The following DSCAM variants were observed in gnomAD, a reference collection of about 807,000 sequenced individuals.
DSCAM encodes the protein DS cell adhesion molecule.
A neutral mutation model predicts 217.7 loss-of-function variants in DSCAM; 47 were observed. The ratio of observed to expected loss-of-function variants is 0.22; its 90% CI spans 0.17 to 0.28. DSCAM has a LOEUF of 0.28. Among genes scored for constraint, DSCAM ranks in the 10% least tolerant of loss-of-function variants. The pLI is 1.00. For synonymous variants in DSCAM, 1,056 were observed against 1,015.3 expected (o/e 1.04, Z -0.76); for missense variants, 2,080 against 2,618.3 (o/e 0.79, Z 4.49).
intron 28 of DSCAM, 96 bp downstream of exon 28, chr21:40,062,773 T>C: frequency 8.5e-7 from 1 of 1,174,462 alleles, no homozygotes. Flanking sequence ...CATTATCAAT[T>C]TCAGACTGCC....
At chr21:40,231,521 T>TA (rs1211350566) in intron 11 of DSCAM, among the ~76,000 whole-genome samples, 1 of 152,024 alleles carries the variant, frequency 6.6e-6, no homozygotes. Context: ...CTTTTTTTTT[T>TA]AGACAGTGTC....
At chr21:40,022,669 C>T (rs2088295354) in intron 32 of DSCAM, among the ~76,000 whole-genome samples, 1 of 152,138 alleles carries the variant, frequency 6.6e-6, no homozygotes, top group Non-Finnish European at 1.5e-5. Context: ...GAGTGCAGGG[C>T]TTGGTGTTGA....
intron 16 of DSCAM, among the ~76,000 whole-genome samples, chr21:40,160,009 G>A (rs1253843280): frequency 2.0e-5 from 3 of 152,330 alleles, no homozygotes; most frequent in Non-Finnish European, 1.5e-5. Flanking sequence ...GCCATTGGTG[G>A]GGTGGGCGGA....
At chr21:40,082,810 C>T (rs2089481927) in intron 24 of DSCAM, among the ~76,000 whole-genome samples, 1 of 152,034 alleles carries the variant, frequency 6.6e-6, no homozygotes, top group Non-Finnish European at 1.5e-5. Context: ...TTTCTGATTT[C>T]CATGGTGAGG....
At chr21:40,475,800 C>G (rs1311565012) in intron 3 of DSCAM, among the ~76,000 whole-genome samples, 1 of 152,098 alleles carries the variant, frequency 6.6e-6, no homozygotes, top group Non-Finnish European at 1.5e-5. Flanking sequence ...CGTCGCACTC[C>G]AGCCTGGGCA....
intron 8 of DSCAM, among the ~76,000 whole-genome samples, chr21:40,334,736 C>T (rs949564952): frequency 6.6e-6 from 1 of 151,856 alleles, no homozygotes; most frequent in Non-Finnish European, 1.5e-5. Context: ...CAACCTCAAA[C>T]TACTAGACTG....
At chr21:40,676,434 C>T (rs185931299) in intron 3 of DSCAM, among the ~76,000 whole-genome samples, 6 of 152,196 alleles carry the variant, frequency 3.9e-5, no homozygotes, top group East Asian at 1.9e-4. Context: ...CTGGGAGGCA[C>T]GGCCAGCAAT....
At chr21:40,428,741 C>T (rs570900863) in intron 3 of DSCAM, among the ~76,000 whole-genome samples, 1 of 152,022 alleles carries the variant, frequency 6.6e-6, no homozygotes, top group Non-Finnish European at 1.5e-5. Flanking sequence ...CTGTGTGTTT[C>T]AGCTGGCCGC....
chr21:40,258,838 A>T (rs1023643920), intron 11 of DSCAM, among the ~76,000 whole-genome samples: 8 of 152,182 alleles, frequency 5.3e-5, no homozygotes, highest in African/African-American at 1.9e-4. Context: ...ATCGAGACAA[A>T]CACAGAATGT....
intron 3 of DSCAM, among the ~76,000 whole-genome samples, chr21:40,629,117 GTGA>G (rs1266487504): frequency 8.2e-6 from 1 of 121,678 alleles, no homozygotes; most frequent in Non-Finnish European, 1.7e-5. Flanking sequence ...GTGTGTGTGT[GTGA>G]TATTACTTAC....
intron 21 of DSCAM, among the ~76,000 whole-genome samples, chr21:40,088,064 C>T (rs1398461013): frequency 6.6e-6 from 1 of 152,212 alleles, no homozygotes; most frequent in Non-Finnish European, 1.5e-5. Context: ...AAACAATCTG[C>T]TCAGTCTTTG....
chr21:40,667,664 T>G (rs1456811908), intron 3 of DSCAM, among the ~76,000 whole-genome samples: 1 of 131,348 alleles, frequency 7.6e-6, no homozygotes, highest in African/African-American at 4.3e-5. Flanking sequence ...CTCGTGATAG[T>G]GAGTGAGTCC....
intron 14 of DSCAM, among the ~76,000 whole-genome samples, chr21:40,184,710 A>G (rs930210256): frequency 2.6e-5 from 4 of 152,218 alleles, no homozygotes; most frequent in Non-Finnish European, 5.9e-5. Flanking sequence ...AAACATTTAC[A>G]GTATGCTCTT....
At chr21:40,266,885 G>A (rs1200266277) in intron 11 of DSCAM, among the ~76,000 whole-genome samples, 1 of 148,708 alleles carries the variant, frequency 6.7e-6, no homozygotes, top group Admixed American at 6.8e-5. Flanking sequence ...CAACTTAGAT[G>A]GAACTAGAGG....
At chr21:40,526,269 GT>G in intron 3 of DSCAM, among the ~76,000 whole-genome samples, 1 of 152,194 alleles carries the variant, frequency 6.6e-6, no homozygotes, top group Middle Eastern at 3.4e-3. Context: ...GCAGAACTTA[GT>G]TTTTTTCAGG....
At chr21:40,178,688 CT>C (rs2090760114) in intron 15 of DSCAM, among the ~76,000 whole-genome samples, 1 of 152,182 alleles carries the variant, frequency 6.6e-6, no homozygotes, top group South Asian at 2.1e-4. Flanking sequence ...CCTCATACGT[CT>C]TTCTTTTAAG....
At chr21:40,582,601 A>T (rs1283203838) in intron 3 of DSCAM, among the ~76,000 whole-genome samples, 1 of 152,226 alleles carries the variant, frequency 6.6e-6, no homozygotes, top group Non-Finnish European at 1.5e-5. Flanking sequence ...AATTAGAGAC[A>T]TAAACACACA....
intron 3 of DSCAM, among the ~76,000 whole-genome samples, chr21:40,620,090 GAGAGAA>G (rs1388213463): frequency 7.0e-5 from 5 of 71,226 alleles, no homozygotes; most frequent in Non-Finnish European, 1.1e-4. Context: ...AAAAGAAAGA[GAGAGAA>G]AGAGAGAGAA....
intron 32 of DSCAM, among the ~76,000 whole-genome samples, chr21:40,027,339 CT>C (rs1375456222): frequency 7.9e-5 from 12 of 152,230 alleles, no homozygotes; most frequent in Admixed American, 6.5e-5. Flanking sequence ...TTTGGTGAAT[CT>C]GACAATTATG....
Sources: allele counts gnomAD v4.1 joint callset (sites outside exome capture counted in the v4.1 genomes callset), GRCh38; gene constraint gnomAD v4.1.1; transcripts MANE v1.5; gene names NCBI Gene and HGNC (gene_info 2026-07-23, HGNC 2026-07-21).